ZNF787: variants seen among roughly 807,000 people sequenced by gnomAD.
The protein encoded by ZNF787 is TTF-I-interacting peptide 20.
A neutral mutation model predicts 16.9 loss-of-function variants in ZNF787; 7 were observed. The observed-to-expected ratio is 0.42, with a 90% CI of 0.24 to 0.78. The LOEUF is 0.78. Among genes scored for constraint, ZNF787 ranks in the 30% least tolerant of loss-of-function variants. The probability of loss-of-function intolerance (pLI) is 0.30; values close to 1 mark genes in which losing one functional copy is unlikely to be tolerated. For missense variants in ZNF787, 551 were observed against 589.3 expected, an observed-to-expected ratio of 0.94 and a Z score of 0.67; for synonymous variants, 345 against 270.9, an observed-to-expected ratio of 1.27 and a Z score of -2.69.
chr19:56,095,423 G>T (rs1326053501), intron 2 of ZNF787, among the ~76,000 whole-genome samples: 1 of 151,944 alleles, frequency 6.6e-6, no homozygotes, highest in South Asian at 2.1e-4. Flanking sequence ...TTTTGGGAAG[G>T]TTGAACTCAG....
intron 2 of ZNF787, 67 bp downstream of exon 2, chr19:56,103,072 G>C (rs752110017): frequency 2.6e-6 from 4 of 1,562,228 alleles, no homozygotes; most frequent in Non-Finnish European, 3.5e-6. Flanking sequence ...CTCCCACCCA[G>C]AGGCAAAGGA....
At chr19:56,108,953 C>A (rs900084550) in intron 1 of ZNF787, among the ~76,000 whole-genome samples, 1 of 152,124 alleles carries the variant, frequency 6.6e-6, no homozygotes, top group African/African-American at 2.4e-5. Flanking sequence ...GCAGAGACAG[C>A]CTCCATCACA....
chr19:56,118,956 CTCTA>C (rs983029053), intron 1 of ZNF787, among the ~76,000 whole-genome samples: 2 of 152,158 alleles, frequency 1.3e-5, no homozygotes, highest in African/African-American at 2.4e-5. Flanking sequence ...AATCCTTCCT[CTCTA>C]TCTTTCAAGA....
In ZNF787 at chr19:56,116,558, C is replaced by T. The variant is rs541977866; in HGVS notation, c.-11+4614G>A. ...TGGGCAACACAGCAAAATCCTATCT[C>T]TTAAAATATATACATATATGAAATA... On this transcript the variant is annotated intron_variant, in intron 1 of 2. Transcript: ENST00000610935. 2.3e-3 allele frequency among the ~76,000 whole-genome samples: 346 copies of T among 152,192 alleles called. 3 individuals are homozygous for T. The highest frequency in any genetic ancestry group is 8.0e-3 in the African/African-American group (331 of 41,518).
chr19:56,111,307 G>A (rs2029973183), intron 1 of ZNF787, among the ~76,000 whole-genome samples: 1 of 152,086 alleles, frequency 6.6e-6, no homozygotes, highest in Non-Finnish European at 1.5e-5. Context: ...AGCTGGGAGG[G>A]AGGCCCAGCC....
chr19:56,103,609 A>G lies in ZNF787; in HGVS notation c.-10-382T>C, dbSNP rs981883321. The G allele has an allele frequency of 1.3e-5, 3 of 224,756 alleles. No homozygotes were observed. The South Asian group carries it at 4.4e-4, about 33-fold the overall frequency. 13.9% of individuals were successfully genotyped at this position (224,756 alleles called of 1,614,324 possible). On this transcript the variant is annotated intron_variant, in intron 1 of 2. Coordinates refer to ENST00000610935, the MANE Select transcript of ZNF787 (RefSeq NM_001002836.4). ...TGTTACTGTCAAGCGTACACAAGACAGTGTACATGTGGTGCTCATGCCAAA... is the reference window on the plus strand; with the variant it reads ...TGTTACTGTCAAGCGTACACAAGACGGTGTACATGTGGTGCTCATGCCAAA...
At chr19:56,120,489 C>T (rs942139724) in intron 1 of ZNF787, among the ~76,000 whole-genome samples, 2 of 152,202 alleles carry the variant, frequency 1.3e-5, no homozygotes, top group East Asian at 1.9e-4. Context: ...CCGCTGGGGA[C>T]GCGCTTCCTC....
Position 56,088,165 on chromosome 19 carries a change from T to C in ZNF787, c.1007A>G (p.Lys336Arg), listed in dbSNP as rs761271446. The C allele has an allele frequency of 2.6e-6, 4 of 1,553,594 alleles. No individual in the cohort carries two copies. The South Asian group carries it at 3.5e-5, about 14-fold the overall frequency. Residue 336 changes from lysine (K) to arginine (R), a missense_variant, in exon 3 of 3, where the codon AAG becomes AGG. Physicochemically the swap from Lys to Arg is conservative, Grantham distance 26. Around this residue, in one of 4 missense-constraint regions of ZNF787, gnomAD observed 392 missense variants for 312.7 expected, o/e 1.25. Transcript: ENST00000610935. This position sits in a 1 kb window ranked among gnomAD's most constrained non-coding sequence, Gnocchi z 8.6. ...GGGCGCGCCCACCGCGTGGATCTTC[T>C]TGTGTCTCCGGAGCGCGGCGCCCTG... ...FVQGAALRRH[K>R]KIHAVGAPSV... is the part of the protein sequence containing the mutation.
chr19:56,116,012 A>C (rs2030126507), intron 1 of ZNF787, among the ~76,000 whole-genome samples: 1 of 152,092 alleles, frequency 6.6e-6, no homozygotes, highest in South Asian at 2.1e-4. Context: ...AGGTTCATAC[A>C]TTGTCACAAA....
At chr19:56,102,576 T>C (rs1486763151) in intron 2 of ZNF787, 6 of 432,666 alleles carry the variant, frequency 1.4e-5, no homozygotes, top group Non-Finnish European at 2.1e-5. Context: ...ACAAAACACA[T>C]TGCCAATGTC....
Position 56,087,782 on chromosome 19 carries a change from A to G in ZNF787, c.*241T>C, listed in dbSNP as rs375259726. The G allele has an allele frequency of 2.6e-4, 140 of 537,798 alleles. No individual in the cohort carries two copies. Among genetic ancestry groups the G allele is most frequent in the Non-Finnish European group, 3.2e-4 (118 of 373,744 alleles). 33.3% of individuals were successfully genotyped at this position (537,798 alleles called of 1,614,324 possible). A position where few individuals can be genotyped will look rare whatever the true frequency, so the allele number is the denominator to read the frequency against. ...CATTGTCTCTCCGGCTCGCAGGCCGATAACTTAGGAAGGGCGGGCCAGGCT... is the reference window on the plus strand; with the variant it reads ...CATTGTCTCTCCGGCTCGCAGGCCGGTAACTTAGGAAGGGCGGGCCAGGCT... On this transcript the variant is annotated 3_prime_UTR_variant, in exon 3 of 3. Transcript: ENST00000610935.
At chr19:56,101,180 C>T (rs1986084089) in intron 2 of ZNF787, among the ~76,000 whole-genome samples, 1 of 150,178 alleles carries the variant, frequency 6.7e-6, no homozygotes, top group Admixed American at 6.6e-5. Context: ...CAACCCCCGC[C>T]ACTCCACCCC....
chr19:56,115,688 T>C (rs947126832), intron 1 of ZNF787, among the ~76,000 whole-genome samples: 2 of 151,562 alleles, frequency 1.3e-5, no homozygotes, highest in African/African-American at 2.4e-5. Flanking sequence ...GTCAGAGCCG[T>C]CTTCCTCGGG....
At chr19:56,098,861 AC>A (rs1229293501) in intron 2 of ZNF787, among the ~76,000 whole-genome samples, 2 of 140,348 alleles carry the variant, frequency 1.4e-5, no homozygotes, top group African/African-American at 5.8e-5. Flanking sequence ...TGATATGGCC[AC>A]CCGGGTGATA....
intron 2 of ZNF787, among the ~76,000 whole-genome samples, chr19:56,091,918 G>A (rs911265827): frequency 2.8e-4 from 11 of 39,428 alleles, no homozygotes; most frequent in African/African-American, 5.1e-4. Context: ...AGCCGCAGCC[G>A]CAGCCGAAGC....
chr19:56,112,196 TAGG>T (rs2029998948), intron 1 of ZNF787, among the ~76,000 whole-genome samples: 2 of 152,100 alleles, frequency 1.3e-5, no homozygotes, highest in Non-Finnish European at 2.9e-5. Context: ...GCCAGCTCCC[TAGG>T]AGAAGGCCCC....
At chr19:56,107,781 C>T (rs543608917) in intron 1 of ZNF787, among the ~76,000 whole-genome samples, 2 of 147,092 alleles carry the variant, frequency 1.4e-5, no homozygotes, top group African/African-American at 2.5e-5. Context: ...GGATGGGCAG[C>T]GTGGAGGGGA....
chr19:56,104,596 G>A (rs73615731), intron 1 of ZNF787, among the ~76,000 whole-genome samples: 2,219 of 151,600 alleles, frequency 0.015, 67 homozygotes, highest in African/African-American at 0.052. Flanking sequence ...GTACCATGAG[G>A]GTCTCTACAC....
At chr19:56,089,552 G>T (rs770341611) in intron 2 of ZNF787, among the ~76,000 whole-genome samples, 1 of 152,202 alleles carries the variant, frequency 6.6e-6, no homozygotes, top group Non-Finnish European at 1.5e-5. Flanking sequence ...CTGAGCCAGG[G>T]AGTGGGTTTG....
Sources: allele counts gnomAD v4.1 joint callset (sites outside exome capture counted in the v4.1 genomes callset), GRCh38; gene constraint gnomAD v4.1.1; regional missense constraint gnomAD v4.1.1; non-coding constraint Gnocchi (gnomAD v3.1); transcripts MANE v1.5; gene names NCBI Gene and HGNC (gene_info 2026-07-23, HGNC 2026-07-21).